The following PTPRD variants were observed in gnomAD, a reference collection of about 807,000 sequenced individuals.
The protein encoded by PTPRD is receptor-type tyrosine-protein phosphatase delta.
Under a neutral mutation model 214.5 loss-of-function variants are expected in PTPRD, and 34 were observed. The ratio of observed to expected loss-of-function variants is 0.16; its 90% confidence interval spans 0.12 to 0.21. The LOEUF is 0.21. Ranked by LOEUF, PTPRD falls within the 10% of genes least tolerant of loss-of-function variation. The probability of loss-of-function intolerance (pLI) is 1.00; values close to 1 mark genes in which losing one functional copy is unlikely to be tolerated. For missense variants in PTPRD, 2,545 were observed against 2,398.7 expected (o/e 1.06, Z -1.27); for synonymous variants, 1,128 against 845.7 (o/e 1.33, Z -5.79).
At chr9:10,367,509 G>A (rs1207809287) in intron 2 of PTPRD, among the ~76,000 whole-genome samples, 1 of 152,094 alleles carries the variant, frequency 6.6e-6, no homozygotes. Context: ...GTAAAATAAT[G>A]TTGAAAGTTT....
chr9:10,010,264 A>T (rs922606235), intron 4 of PTPRD, among the ~76,000 whole-genome samples: 3 of 151,936 alleles, frequency 2.0e-5, no homozygotes, highest in African/African-American at 7.2e-5. Context: ...TATAGATTTT[A>T]AATTATTTTA....
chr9:10,513,429 A>G (rs73396203), intron 2 of PTPRD, among the ~76,000 whole-genome samples: 4,892 of 152,250 alleles, frequency 0.032, 217 homozygotes, highest in African/African-American at 0.1. Flanking sequence ...CAAAAATACA[A>G]TGAAAATATT....
In PTPRD at chr9:9,560,949, C is replaced by T. The variant is rs1418259797; in HGVS notation, c.-237+13783G>A. 2.0e-5 allele frequency among the ~76,000 whole-genome samples: 3 copies of T among 152,230 alleles called. No homozygotes were observed. In the East Asian group the frequency reaches 5.8e-4, roughly 29 times the overall value. ...GCAAGCCGAGCTGTGTCCTGGCTCC[C>T]TCCTGTCTATCTGCAAGACAGGTAG... On this transcript the variant is annotated intron_variant, in intron 8 of 45. Transcript: ENST00000381196.
rs188891315 is a variant in PTPRD at position 9,328,441 on chromosome 9, A to G, written c.-203+69008T>C. Among the ~76,000 whole-genome samples the G allele has an allele frequency of 1.1e-4, 17 of 152,086 alleles. No individual in the cohort carries two copies. The East Asian group carries it at 3.1e-3, about 28-fold the overall frequency. ...AGTGAAAAGAAAATATTTCCATTCC[A>G]TCTTATTATATTTCTTTAAACTCAA... is the stretch of plus-strand genomic sequence containing the variant. On this transcript the variant is annotated intron_variant, in intron 9 of 45. Transcript: ENST00000381196.
intron 5 of PTPRD, among the ~76,000 whole-genome samples, chr9:9,910,317 A>C (rs2078831415): frequency 6.6e-6 from 1 of 151,912 alleles, no homozygotes; most frequent in South Asian, 2.1e-4. Flanking sequence ...TGTAATGTGA[A>C]TTTTTTCATC....
chr9:10,356,272 C>G (rs938766984), intron 2 of PTPRD, among the ~76,000 whole-genome samples: 2 of 152,104 alleles, frequency 1.3e-5, no homozygotes, highest in East Asian at 3.9e-4. Flanking sequence ...GATTATTTAT[C>G]TATCAGGAAT....
At chr9:10,342,998 T>A (rs913760399) in intron 2 of PTPRD, among the ~76,000 whole-genome samples, 5 of 152,212 alleles carry the variant, frequency 3.3e-5, no homozygotes, top group Admixed American at 2.6e-4. Flanking sequence ...TTTTTTATAC[T>A]TTAAGTTCTA....
chr9:9,578,843 A>G (rs2089875814), intron 7 of PTPRD, among the ~76,000 whole-genome samples: 1 of 152,120 alleles, frequency 6.6e-6, no homozygotes, highest in Non-Finnish European at 1.5e-5. Context: ...CTAAATTCAG[A>G]ATCCCAGTTA....
intron 7 of PTPRD, among the ~76,000 whole-genome samples, chr9:9,668,019 A>G (rs10739196): frequency 0.4 from 60,821 of 151,916 alleles, 12,465 homozygotes; most frequent in Admixed American, 0.52. Context: ...ACAGATTATC[A>G]TCCATTTTCA....
At chr9:8,474,219 A>G (rs1190161020) in intron 30 of PTPRD, among the ~76,000 whole-genome samples, 1 of 151,978 alleles carries the variant, frequency 6.6e-6, no homozygotes, top group Admixed American at 6.6e-5. Flanking sequence ...TTTGAAGTTC[A>G]TGCAATCCAG....
intron 8 of PTPRD, among the ~76,000 whole-genome samples, chr9:9,561,568 A>G (rs540777453): frequency 6.6e-5 from 10 of 152,378 alleles, no homozygotes; most frequent in African/African-American, 2.4e-4. Context: ...CAAATGGACA[A>G]GTATAAAAAG....
intron 3 of PTPRD, among the ~76,000 whole-genome samples, chr9:10,327,960 A>G (rs1163763802): frequency 6.6e-6 from 1 of 151,742 alleles, no homozygotes; most frequent in East Asian, 1.9e-4. Context: ...AGTTTTTATT[A>G]TAAAAATTAT....
At chr9:9,419,403 T>C (rs2078001649) in intron 8 of PTPRD, among the ~76,000 whole-genome samples, 2 of 151,916 alleles carry the variant, frequency 1.3e-5, no homozygotes, top group South Asian at 4.1e-4. Context: ...TGTAGGGTTA[T>C]ATTAATGACT....
intron 10 of PTPRD, among the ~76,000 whole-genome samples, chr9:9,147,185 C>T (rs924996581): frequency 8.3e-5 from 12 of 145,362 alleles, no homozygotes; most frequent in African/African-American, 2.9e-4. Flanking sequence ...GTCTCAGATT[C>T]TGTTATTTGC....
At chr9:8,710,973 G>A (rs1247275044) in intron 12 of PTPRD, among the ~76,000 whole-genome samples, 2 of 152,092 alleles carry the variant, frequency 1.3e-5, no homozygotes, top group Middle Eastern at 3.4e-3. Flanking sequence ...CTAAGTTTGG[G>A]AAATTAATTT....
intron 11 of PTPRD, among the ~76,000 whole-genome samples, chr9:8,743,606 A>G (rs2092391265): frequency 6.6e-6 from 1 of 152,280 alleles, no homozygotes; most frequent in South Asian, 2.1e-4. Flanking sequence ...TCGACTGAAG[A>G]TGAATCAAAG....
intron 10 of PTPRD, among the ~76,000 whole-genome samples, chr9:9,159,168 A>C (rs1469530279): frequency 6.6e-6 from 1 of 152,204 alleles, no homozygotes; most frequent in African/African-American, 2.4e-5. Context: ...GCCAAATTTG[A>C]CAACTTCCTT....
At chr9:10,211,703 G>A (rs1160451268) in intron 3 of PTPRD, among the ~76,000 whole-genome samples, 2 of 152,106 alleles carry the variant, frequency 1.3e-5, no homozygotes, top group Non-Finnish European at 2.9e-5. Context: ...AGGAACTGAA[G>A]GTCAAAAACC....
chr9:8,386,731 AT>A (rs2087214004), intron 37 of PTPRD, among the ~76,000 whole-genome samples: 1 of 152,162 alleles, frequency 6.6e-6, no homozygotes, highest in African/African-American at 2.4e-5. Flanking sequence ...TAGTTATAAC[AT>A]TGTTTTTATA....
Sources: gnomAD v4.1 joint callset for allele counts (sites outside exome capture counted in the v4.1 genomes callset) on GRCh38, gnomAD v4.1.1 for gene constraint, MANE v1.5 for transcripts, NCBI Gene and HGNC (gene_info 2026-07-23, HGNC 2026-07-21) for gene names.